PCDHGA1: variants seen among roughly 807,000 people sequenced by gnomAD.
PCDHGA1 encodes protocadherin gamma subfamily A, 1.
Under a neutral mutation model 58.0 loss-of-function variants are expected in PCDHGA1, and 32 were observed. That is an observed-to-expected ratio of 0.55 (90% CI 0.42 to 0.74). PCDHGA1 has a LOEUF of 0.74. Ranked by LOEUF, PCDHGA1 falls within the 30% of genes least tolerant of loss-of-function variation. The probability of loss-of-function intolerance (pLI) is 0.00; values close to 1 mark genes in which losing one functional copy is unlikely to be tolerated. For missense variants in PCDHGA1, 1,205 were observed against 1,182.3 expected (o/e 1.02, Z -0.28); for synonymous variants, 498 against 501.1 (o/e 0.99, Z 0.08).
Position 141,486,416 on chromosome 5 carries a change from C to G in PCDHGA1, c.2422-8391C>G. The G allele has an allele frequency of 4.3e-6, 7 of 1,614,152 alleles. No homozygotes were observed. The highest frequency in any genetic ancestry group is 5.9e-6 in the Non-Finnish European group (7 of 1,180,016). On this transcript the variant is annotated intron_variant, in intron 1 of 3. Coordinates refer to ENST00000517417, the MANE Select transcript of PCDHGA1 (RefSeq NM_018912.3). The surrounding 1 kb of genome is among the most constrained non-coding windows in gnomAD (Gnocchi z 5.0). Reference sequence around the variant, plus strand: ...CCTGGTGACTGCTGGACCCTTGGATCGAGAGGCCAAATCTAGCTATGACAT... The same window carrying G: ...CCTGGTGACTGCTGGACCCTTGGATGGAGAGGCCAAATCTAGCTATGACAT...
chr5:141,470,100 G>A (rs1259251144), intron 1 of PCDHGA1, among the ~76,000 whole-genome samples: 2 of 152,178 alleles, frequency 1.3e-5, no homozygotes, highest in African/African-American at 4.8e-5. Context: ...CTACATTCCA[G>A]TCTGAGCAAC....
In PCDHGA1 at chr5:141,431,615, G is replaced by C. The variant is rs1231591874; in HGVS notation, c.2422-63192G>C. The C allele has an allele frequency of 1.2e-6, 2 of 1,614,118 alleles. No individual in the cohort carries two copies. Among genetic ancestry groups the C allele is most frequent in the Non-Finnish European group, 8.5e-7 (1 of 1,180,050 alleles). ...GAGGTATTCCTTCCGGTATGTGGACGACAAGGCGGCCCAAGTTTTCAAACT... is the reference window on the plus strand; with the variant it reads ...GAGGTATTCCTTCCGGTATGTGGACCACAAGGCGGCCCAAGTTTTCAAACT... On this transcript the variant is annotated intron_variant, in intron 1 of 3. Coordinates refer to ENST00000517417, the MANE Select transcript of PCDHGA1 (RefSeq NM_018912.3). This position sits in a 1 kb window ranked among gnomAD's most constrained non-coding sequence, Gnocchi z 4.8.
chr5:141,370,893 C>T (rs116495533), intron 1 of PCDHGA1: 4 of 1,613,944 alleles, frequency 2.5e-6, no homozygotes, highest in Admixed American at 3.3e-5. Flanking sequence ...TGTCAATTCG[C>T]TGCAGCAGTA....
intron 1 of PCDHGA1, chr5:141,405,577 T>C (rs1034475748): frequency 1.0e-5 from 6 of 597,580 alleles, no homozygotes; most frequent in Non-Finnish European, 1.8e-5. Context: ...GTAGAGTAGC[T>C]GGGACTACAG....
chr5:141,392,812 C>T (rs2092600989), intron 1 of PCDHGA1: 2 of 1,583,404 alleles, frequency 1.3e-6, no homozygotes, highest in East Asian at 4.5e-5. Flanking sequence ...AGCAAAACAA[C>T]AATGGCCGCT....
At chr5:141,457,422 T>TC (rs1038085994) in intron 1 of PCDHGA1, among the ~76,000 whole-genome samples, 6 of 151,626 alleles carry the variant, frequency 4.0e-5, no homozygotes, top group African/African-American at 7.3e-5. Flanking sequence ...CATCCCTTTT[T>TC]CCCCCCCACC....
At position 141,487,493 on chromosome 5, in the gene PCDHGA1, C is replaced by A. The variant is rs1372433097; in HGVS notation, c.2422-7314C>A. 5.6e-6 allele frequency: 9 copies of A among 1,614,050 alleles called. No individual in the cohort carries two copies. The highest frequency in any genetic ancestry group is 6.8e-6 in the Non-Finnish European group (8 of 1,180,034). On this transcript the variant is annotated intron_variant, in intron 1 of 3. Coordinates refer to ENST00000517417, the MANE Select transcript of PCDHGA1 (RefSeq NM_018912.3). This position sits in a 1 kb window ranked among gnomAD's most constrained non-coding sequence, Gnocchi z 5.0. ...GGGAGGCCACTCTCATGGCTGTACACCCTTGGCTTCTGCACCCACTCGGAG... is the reference window on the plus strand; with the variant it reads ...GGGAGGCCACTCTCATGGCTGTACAACCTTGGCTTCTGCACCCACTCGGAG...
chr5:141,341,195 G>T, intron 1 of PCDHGA1: 2 of 1,614,222 alleles, frequency 1.2e-6, no homozygotes, highest in Non-Finnish European at 1.7e-6. Context: ...GCACTTTGTG[G>T]GCGTGGACGG....
Position 141,431,349 on chromosome 5 carries a change from A to G in PCDHGA1, c.2422-63458A>G. 1.2e-6 allele frequency: 2 copies of G among 1,614,026 alleles called. No individual in the cohort carries two copies. The highest frequency in any genetic ancestry group is 4.5e-5 in the East Asian group (2 of 44,874). On this transcript the variant is annotated intron_variant, in intron 1 of 3. Coordinates refer to ENST00000517417, the MANE Select transcript of PCDHGA1 (RefSeq NM_018912.3). This position sits in a 1 kb window ranked among gnomAD's most constrained non-coding sequence, Gnocchi z 4.8. ...AGTAAGTACCCCGAATTGGTGCTGAAACGCGCCCTGGACCGCGAAGAAAAG... is the reference window on the plus strand; with the variant it reads ...AGTAAGTACCCCGAATTGGTGCTGAGACGCGCCCTGGACCGCGAAGAAAAG...
intron 1 of PCDHGA1, chr5:141,387,914 G>A (rs1379719736): frequency 1.5e-5 from 22 of 1,487,626 alleles, no homozygotes; most frequent in Non-Finnish European, 1.8e-5. Context: ...AGCTGGGCCG[G>A]GCTGAGAGGC....
intron 1 of PCDHGA1, chr5:141,393,237 A>C (rs1561641299): frequency 6.2e-7 from 1 of 1,613,684 alleles, no homozygotes; most frequent in Non-Finnish European, 8.5e-7. Context: ...AGAAGTAAAA[A>C]TTAACGAAAT....
chr5:141,357,385 G>A, intron 1 of PCDHGA1: 1 of 1,614,228 alleles, frequency 6.2e-7, no homozygotes. Context: ...TCACGCTGAA[G>A]GCAGCAGGTT....
At chr5:141,383,101 T>G (rs1561594429) in intron 1 of PCDHGA1, 2 of 1,613,954 alleles carry the variant, frequency 1.2e-6, no homozygotes, top group Non-Finnish European at 1.7e-6. Flanking sequence ...CCGCATCATC[T>G]CCAGAGGTAG....
intron 1 of PCDHGA1, among the ~76,000 whole-genome samples, chr5:141,433,497 C>G (rs2097615154): frequency 6.6e-6 from 1 of 152,076 alleles, no homozygotes; most frequent in Non-Finnish European, 1.5e-5. Flanking sequence ...CCCTCCCAAA[C>G]TGCTGGGATT....
Position 141,361,665 on chromosome 5 carries a change from G to A in PCDHGA1, c.2421+28560G>A, listed in dbSNP as rs368441959. 2.6e-4 allele frequency: 414 copies of A among 1,613,696 alleles called. 2 individuals are homozygous for A. In the African/African-American group the frequency reaches 4.6e-3, roughly 18 times the overall value. ...TATCCTACGTGTCCGTGAGCGCGCA[G>A]AGCGGGGTGGTGTTCGCGCAGCGCG... On this transcript the variant is annotated intron_variant, in intron 1 of 3. Transcript: ENST00000517417.
At chr5:141,346,081 A>G (rs200571439) in intron 1 of PCDHGA1, 2 of 1,613,524 alleles carry the variant, frequency 1.2e-6, no homozygotes, top group South Asian at 2.2e-5. Context: ...CCCTCCGCCA[A>G]ACCCAACGAT....
chr5:141,389,602 T>G, intron 1 of PCDHGA1: 2 of 1,613,170 alleles, frequency 1.2e-6, no homozygotes, highest in African/African-American at 2.7e-5. Flanking sequence ...TCTGCGCTCT[T>G]CGATATGGTG....
chr5:141,387,227 A>T (rs1220813655), intron 1 of PCDHGA1, among the ~76,000 whole-genome samples: 3 of 152,230 alleles, frequency 2.0e-5, no homozygotes, highest in Non-Finnish European at 4.4e-5. Context: ...AAGTTGAAAT[A>T]AATCAACTTG....
chr5:141,384,492 A>G, intron 1 of PCDHGA1: 1 of 1,614,164 alleles, frequency 6.2e-7, no homozygotes, highest in South Asian at 1.1e-5. Flanking sequence ...TACAACTAAG[A>G]GTGACTGCAC....
Sources: gnomAD v4.1 joint callset for allele counts (sites outside exome capture counted in the v4.1 genomes callset) on GRCh38, gnomAD v4.1.1 for gene constraint, Gnocchi (gnomAD v3.1) non-coding constraint, MANE v1.5 for transcripts, NCBI Gene and HGNC (gene_info 2026-07-23, HGNC 2026-07-21) for gene names.